Variants in GNB4 observed in about 807,000 individuals in gnomAD.
GNB4 encodes guanine nucleotide-binding protein subunit beta-4.
A neutral mutation model predicts 45.2 loss-of-function variants in GNB4; 28 were observed. The observed-to-expected ratio is 0.62, with a 90% CI of 0.46 to 0.85. The LOEUF (loss-of-function observed/expected upper bound fraction) is 0.85, where lower values mean the gene tolerates loss of function less well. Among genes scored for constraint, GNB4 ranks in the 40% least tolerant of loss-of-function variants. The probability of loss-of-function intolerance (pLI) is 0.00; values close to 1 mark genes in which losing one functional copy is unlikely to be tolerated. For missense variants in GNB4, 321 were observed against 425.4 expected (o/e 0.75, Z 2.16); for synonymous variants, 132 against 143.7 (o/e 0.92, Z 0.58).
chr3:179,465,121 G>C, the GNB4 span: 7 of 1,343,086 alleles, frequency 5.2e-6, no homozygotes, highest in Non-Finnish European at 7.5e-6. Flanking sequence ...TTCCAAATCT[G>C]ATCACAGCAG....
chr3:179,499,652 T>G, the GNB4 span, among the ~76,000 whole-genome samples: 8 of 152,362 alleles, frequency 5.3e-5, no homozygotes, highest in African/African-American at 1.9e-4. Flanking sequence ...TTCTAGATCC[T>G]TGAGGAATTG....
the GNB4 span, among the ~76,000 whole-genome samples, chr3:179,524,988 G>A: frequency 6.6e-5 from 10 of 152,040 alleles, no homozygotes; most frequent in Non-Finnish European, 1.5e-4. Flanking sequence ...TCGGCCTGGC[G>A]AGGAACAGCC....
chr3:179,430,117 A>ACAGACAG (rs1559977662), intron 1 of GNB4, among the ~76,000 whole-genome samples: 42 of 145,590 alleles, frequency 2.9e-4, no homozygotes, highest in African/African-American at 1.1e-3. Context: ...CAGACAGACA[A>ACAGACAG]AGGCCTCACT....
At chr3:179,471,344 C>T in the GNB4 span, among the ~76,000 whole-genome samples, 2 of 152,100 alleles carry the variant, frequency 1.3e-5, no homozygotes, top group Admixed American at 6.5e-5. Context: ...ACTGACTCAC[C>T]CAGAGCAGAG....
the GNB4 span, chr3:179,464,652 G>C: frequency 5.4e-6 from 6 of 1,118,456 alleles, no homozygotes; most frequent in Non-Finnish European, 6.9e-6. Flanking sequence ...TGAGACAATT[G>C]TGAAACCAGC....
intron 1 of GNB4, 197 bp downstream of exon 1, chr3:179,451,149 C>T (rs1410481892): frequency 1.3e-5 from 2 of 152,006 alleles, no homozygotes; most frequent in South Asian, 2.1e-4. Flanking sequence ...GGCAGCTGGG[C>T]GCGACACAGG....
chr3:179,414,802 G>T, intron 6 of GNB4, 83 bp downstream of exon 6: 1 of 1,141,686 alleles, frequency 8.8e-7, no homozygotes, highest in South Asian at 2.4e-5. Context: ...TTAGCCAGCC[G>T]AGCACAATCT....
the GNB4 span, among the ~76,000 whole-genome samples, chr3:179,493,107 A>G: frequency 6.6e-6 from 1 of 152,222 alleles, no homozygotes; most frequent in Non-Finnish European, 1.5e-5. Flanking sequence ...TATAAAGCCT[A>G]GAAGAAGTGA....
intron 5 of GNB4, among the ~76,000 whole-genome samples, chr3:179,415,514 C>T (rs940617912): frequency 2.0e-5 from 3 of 152,162 alleles, no homozygotes; most frequent in Non-Finnish European, 2.9e-5. Context: ...ACTGGCATCC[C>T]TCTATTAATA....
At chr3:179,451,096 C>G (rs1238447614) in intron 1 of GNB4, 2 of 152,092 alleles carry the variant, frequency 1.3e-5, no homozygotes, top group African/African-American at 4.8e-5. Context: ...CTGGACCGCC[C>G]GGGAAGTGCC....
intron 1 of GNB4, among the ~76,000 whole-genome samples, chr3:179,447,891 G>A (rs1276306893): frequency 6.6e-6 from 1 of 152,204 alleles, no homozygotes; most frequent in Non-Finnish European, 1.5e-5. Flanking sequence ...AGATGGAGAA[G>A]AATGAGAAAC....
the GNB4 span, among the ~76,000 whole-genome samples, chr3:179,510,711 T>C: frequency 6.6e-6 from 1 of 152,168 alleles, no homozygotes; most frequent in Non-Finnish European, 1.5e-5. Flanking sequence ...TGAAGCTTCC[T>C]GCCTGGATTC....
chr3:179,462,105 A>G, the GNB4 span, among the ~76,000 whole-genome samples: 1 of 152,080 alleles, frequency 6.6e-6, no homozygotes, highest in African/African-American at 2.4e-5. Context: ...TTTCCACTGA[A>G]ACTTGGCTCT....
At chr3:179,458,613 G>A in the GNB4 span, among the ~76,000 whole-genome samples, 1 of 152,118 alleles carries the variant, frequency 6.6e-6, no homozygotes. Flanking sequence ...ATATAAAATG[G>A]CATGGTATTT....
chr3:179,526,761 A>C, the GNB4 span, among the ~76,000 whole-genome samples: 1 of 152,224 alleles, frequency 6.6e-6, no homozygotes, highest in Non-Finnish European at 1.5e-5. Context: ...AAAGCAGAAC[A>C]AAATTTTCCT....
At chr3:179,515,582 A>G in the GNB4 span, among the ~76,000 whole-genome samples, 1 of 152,098 alleles carries the variant, frequency 6.6e-6, no homozygotes, top group South Asian at 2.1e-4. Context: ...AAAGGTGGGA[A>G]CCAGCCATTT....
intron 1 of GNB4, among the ~76,000 whole-genome samples, chr3:179,440,612 A>G (rs1473476697): frequency 6.6e-6 from 1 of 152,152 alleles, no homozygotes; most frequent in Non-Finnish European, 1.5e-5. Context: ...AAAACAAGTT[A>G]TTTCTCCATG....
At chr3:179,473,946 AT>A in the GNB4 span, among the ~76,000 whole-genome samples, 2 of 152,164 alleles carry the variant, frequency 1.3e-5, no homozygotes, top group Non-Finnish European at 2.9e-5. Context: ...AGAAAAGATG[AT>A]TTTTGGTTGA....
chr3:179,493,297 T>C, the GNB4 span, among the ~76,000 whole-genome samples: 1 of 151,876 alleles, frequency 6.6e-6, no homozygotes, highest in Non-Finnish European at 1.5e-5. Flanking sequence ...CTCAACAAGA[T>C]ATAAGAGAAC....
Sources: gnomAD v4.1 joint callset for allele counts (sites outside exome capture counted in the v4.1 genomes callset) on GRCh38, gnomAD v4.1.1 for gene constraint, MANE v1.5 for transcripts, NCBI Gene and HGNC (gene_info 2026-07-23, HGNC 2026-07-21) for gene names.